The following METTL15 variants were observed in gnomAD, a reference collection of about 807,000 sequenced individuals.
METTL15 encodes the protein 12S rRNA N(4)-cytidine methyltransferase METTL15.
Under a neutral mutation model 38.3 loss-of-function variants are expected in METTL15, and 34 were observed. The observed-to-expected ratio is 0.89, with a 90% CI of 0.68 to 1.18. The LOEUF is 1.18. Among genes scored for constraint, METTL15 ranks in the 50% most tolerant of loss-of-function variants. METTL15 has a pLI of 0.00. For missense variants in METTL15, 438 were observed against 498.4 expected (o/e 0.88, Z 1.15); for synonymous variants, 162 against 170.9 (o/e 0.95, Z 0.41).
intron 4 of METTL15, among the ~76,000 whole-genome samples, chr11:28,255,462 A>G (rs1463046164): frequency 6.6e-6 from 1 of 152,108 alleles, no homozygotes. Flanking sequence ...TCACTACTCT[A>G]TCTAGGACTT....
At chr11:28,360,711 G>A (rs1047215750) in intron 4 of METTL15, among the ~76,000 whole-genome samples, 3 of 151,600 alleles carry the variant, frequency 2.0e-5, no homozygotes, top group Admixed American at 6.6e-5. Context: ...ACAATGTACC[G>A]GTTAGTTACA....
intron 3 of METTL15, among the ~76,000 whole-genome samples, chr11:28,155,026 G>T (rs534002591): frequency 6.6e-6 from 1 of 152,044 alleles, no homozygotes; most frequent in East Asian, 1.9e-4. Flanking sequence ...ATTTATTTTG[G>T]CAGGATCAGG....
At chr11:28,216,020 A>T (rs1226978709) in intron 4 of METTL15, among the ~76,000 whole-genome samples, 6 of 152,136 alleles carry the variant, frequency 3.9e-5, no homozygotes, top group African/African-American at 1.4e-4. Context: ...GGGTGGATGG[A>T]TGGATGCATG....
chr11:28,287,155 AATGTGTGTGT>A, intron 4 of METTL15: 1 of 74,442 alleles, frequency 1.3e-5, no homozygotes, highest in Admixed American at 2.3e-4. Flanking sequence ...AGAGAGAGAC[AATGTGTGTGT>A]GTGTGTGTGT....
At chr11:28,439,797 C>A (rs996782962) in intron 6 of METTL15, among the ~76,000 whole-genome samples, 32 of 152,170 alleles carry the variant, frequency 2.1e-4, no homozygotes, top group Non-Finnish European at 3.7e-4. Context: ...GTACTTTCAG[C>A]CTAATTGGTT....
chr11:28,174,707 C>G (rs1032345628), intron 3 of METTL15, among the ~76,000 whole-genome samples: 11 of 150,586 alleles, frequency 7.3e-5, no homozygotes, highest in African/African-American at 2.2e-4. Context: ...CCCAGCTACT[C>G]AGGAGGCTGA....
At chr11:28,419,747 G>T (rs898159470) in intron 5 of METTL15, among the ~76,000 whole-genome samples, 24 of 152,118 alleles carry the variant, frequency 1.6e-4, no homozygotes, top group African/African-American at 5.6e-4. Context: ...CTATGTTGAG[G>T]AAACTCAAAG....
At chr11:28,135,181 C>T (rs1031350602) in intron 3 of METTL15, among the ~76,000 whole-genome samples, 28 of 152,144 alleles carry the variant, frequency 1.8e-4, no homozygotes, top group African/African-American at 6.0e-4. Context: ...TTTCTTCAGT[C>T]CTCATTTTTG....
At chr11:28,281,895 T>C (rs1206095009) in intron 4 of METTL15, among the ~76,000 whole-genome samples, 1 of 152,100 alleles carries the variant, frequency 6.6e-6, no homozygotes, top group Non-Finnish European at 1.5e-5. Flanking sequence ...TATTCCAGAG[T>C]GGGGAAAGAT....
chr11:28,233,869 A>G (rs924195582), intron 4 of METTL15, among the ~76,000 whole-genome samples: 2 of 151,574 alleles, frequency 1.3e-5, no homozygotes, highest in African/African-American at 4.9e-5. Context: ...TTAGTTACAT[A>G]TGTATACATG....
chr11:28,370,802 AG>A (rs1850235807), intron 5 of METTL15, among the ~76,000 whole-genome samples: 1 of 151,942 alleles, frequency 6.6e-6, no homozygotes, highest in Non-Finnish European at 1.5e-5. Flanking sequence ...TTTCTCTAAT[AG>A]TGATGCTGAA....
At chr11:28,134,201 C>T (rs1294728609) in intron 3 of METTL15, among the ~76,000 whole-genome samples, 3 of 152,026 alleles carry the variant, frequency 2.0e-5, no homozygotes, top group Non-Finnish European at 4.4e-5. Flanking sequence ...CATTGAAGAG[C>T]GAGTAGGTGT....
At chr11:28,408,412 A>G (rs1028308805) in intron 5 of METTL15, among the ~76,000 whole-genome samples, 1 of 152,184 alleles carries the variant, frequency 6.6e-6, no homozygotes, top group Non-Finnish European at 1.5e-5. Context: ...TTTCTCTCTC[A>G]GTTATACTGG....
intron 4 of METTL15, among the ~76,000 whole-genome samples, chr11:28,256,146 C>A (rs10835299): frequency 6.6e-6 from 1 of 151,996 alleles, no homozygotes; most frequent in Non-Finnish European, 1.5e-5. Context: ...ATTGGACATA[C>A]TGGCCTGTAG....
At chr11:28,248,546 T>C (rs1356647225) in intron 4 of METTL15, among the ~76,000 whole-genome samples, 1 of 152,070 alleles carries the variant, frequency 6.6e-6, no homozygotes, top group Non-Finnish European at 1.5e-5. Flanking sequence ...TTTATTCCAT[T>C]GTATTAGCCT....
chr11:28,161,796 A>G (rs1012872942), intron 3 of METTL15, among the ~76,000 whole-genome samples: 2 of 152,164 alleles, frequency 1.3e-5, no homozygotes, highest in Non-Finnish European at 2.9e-5. Context: ...GATCTTTTGA[A>G]TATGTGCTGT....
At chr11:28,203,700 G>C (rs1041688812) in intron 3 of METTL15, among the ~76,000 whole-genome samples, 3 of 152,044 alleles carry the variant, frequency 2.0e-5, no homozygotes, top group Non-Finnish European at 2.9e-5. Context: ...CCTGTGAAAT[G>C]TGGTGTCTGT....
At chr11:28,425,743 TACC>T (rs1162468038) in intron 6 of METTL15, among the ~76,000 whole-genome samples, 14 of 152,268 alleles carry the variant, frequency 9.2e-5, no homozygotes, top group Admixed American at 1.3e-4. Flanking sequence ...GCATAGATGG[TACC>T]TGTATATATT....
At chr11:28,164,386 G>C in intron 3 of METTL15, among the ~76,000 whole-genome samples, 1 of 151,928 alleles carries the variant, frequency 6.6e-6, no homozygotes, top group East Asian at 1.9e-4. Flanking sequence ...ACTGTAGAAC[G>C]TATTTATTTA....
Sources: gnomAD v4.1 joint callset for allele counts (sites outside exome capture counted in the v4.1 genomes callset) on GRCh38, gnomAD v4.1.1 for gene constraint, MANE v1.5 for transcripts, NCBI Gene and HGNC (gene_info 2026-07-23, HGNC 2026-07-21) for gene names.